ERBB4: variants seen among roughly 807,000 people sequenced by gnomAD.
ERBB4 encodes erb-b2 receptor tyrosine kinase 4.
ERBB4 carries 42 observed loss-of-function variants against 158.0 expected under a neutral mutation model. That is an observed-to-expected ratio of 0.27 (90% confidence interval 0.21 to 0.34). The LOEUF (loss-of-function observed/expected upper bound fraction) is 0.34, where lower values mean the gene tolerates loss of function less well. Ranked by LOEUF, ERBB4 falls within the 10% of genes least tolerant of loss-of-function variation. The pLI, the probability that ERBB4 is intolerant of heterozygous loss-of-function variation, is 1.00. For missense variants in ERBB4, 1,333 were observed against 1,624.1 expected (o/e 0.82, Z 3.08); for synonymous variants, 583 against 558.7 (o/e 1.04, Z -0.61).
intron 1 of ERBB4, among the ~76,000 whole-genome samples, chr2:212,173,193 C>T (rs2081570465): frequency 6.6e-6 from 1 of 151,834 alleles, no homozygotes; most frequent in Non-Finnish European, 1.5e-5. Context: ...ACACAAATCC[C>T]TATGTTTGTG....
rs551305986 is a variant in ERBB4, at chr2:211,741,993, C to T, written c.622+8646G>A. Among the ~76,000 whole-genome samples the T allele has an allele frequency of 6.8e-4, 104 of 152,142 alleles. 1 individual carries two copies. The highest frequency in any genetic ancestry group is 2.4e-3 in the African/African-American group (98 of 41,496). On this transcript the variant is annotated intron_variant, in intron 5 of 27. Transcript: ENST00000342788. The stretch of plus-strand genomic sequence containing the variant: ...CATTGTAATGTTTACTTTAATTTTA[C>T]AATATCTCCAGAAACCATAAATCCA...
At chr2:211,943,210 GT>G (rs2080554576) in intron 3 of ERBB4, among the ~76,000 whole-genome samples, 1 of 151,998 alleles carries the variant, frequency 6.6e-6, no homozygotes, top group South Asian at 2.1e-4. Context: ...ATAATAGTGG[GT>G]TTTATGGCCC....
At chr2:211,542,609 T>C (rs1465209260) in intron 20 of ERBB4, among the ~76,000 whole-genome samples, 1 of 152,068 alleles carries the variant, frequency 6.6e-6, no homozygotes, top group Non-Finnish European at 1.5e-5. Flanking sequence ...TTTTAAATTT[T>C]ATTCCATTCA....
At chr2:211,610,661 G>A (rs1311470492) in intron 19 of ERBB4, among the ~76,000 whole-genome samples, 1 of 152,072 alleles carries the variant, frequency 6.6e-6, no homozygotes, top group Non-Finnish European at 1.5e-5. Flanking sequence ...AGCCCTATGT[G>A]GCATCATAAC....
intron 5 of ERBB4, among the ~76,000 whole-genome samples, chr2:211,732,954 G>A (rs555232417): frequency 7.2e-5 from 11 of 152,302 alleles, no homozygotes; most frequent in East Asian, 3.9e-4. Flanking sequence ...TCCAGCCTGC[G>A]TGACTGAGTG....
At chr2:212,355,645 T>G (rs2089435605) in intron 1 of ERBB4, among the ~76,000 whole-genome samples, 1 of 152,060 alleles carries the variant, frequency 6.6e-6, no homozygotes, top group South Asian at 2.1e-4. Context: ...ATCATTGCAA[T>G]ATGCTCATAA....
intron 1 of ERBB4, among the ~76,000 whole-genome samples, chr2:212,391,720 ATAT>A (rs961495176): frequency 2.8e-5 from 4 of 141,990 alleles, no homozygotes; most frequent in African/African-American, 1.0e-4. Flanking sequence ...ATTGACATAT[ATAT>A]TATATATATG....
chr2:211,921,011 C>T (rs1483676322), intron 3 of ERBB4, among the ~76,000 whole-genome samples: 1 of 151,810 alleles, frequency 6.6e-6, no homozygotes, highest in Non-Finnish European at 1.5e-5. Flanking sequence ...ATATAATATT[C>T]AGATATAAAT....
intron 1 of ERBB4, among the ~76,000 whole-genome samples, chr2:212,185,021 C>CTTTTTTTTTTT (rs1553584051): frequency 7.5e-6 from 1 of 132,508 alleles, no homozygotes; most frequent in Non-Finnish European, 1.7e-5. Flanking sequence ...ACTTTTTTTT[C>CTTTTTTTTTTT]TTTTTTTTTT....
chr2:212,194,893 A>C (rs1258808764), intron 1 of ERBB4, among the ~76,000 whole-genome samples: 1 of 151,960 alleles, frequency 6.6e-6, no homozygotes, highest in African/African-American at 2.4e-5. Context: ...AAAGGCTCTA[A>C]ATTCTTAATG....
At chr2:212,535,529 A>G (rs1036556974) in intron 1 of ERBB4, among the ~76,000 whole-genome samples, 3 of 152,212 alleles carry the variant, frequency 2.0e-5, no homozygotes, top group African/African-American at 7.2e-5. Flanking sequence ...GAACTTGTTC[A>G]TCGTTTATCT....
chr2:212,385,207 G>A (rs2090635864), intron 1 of ERBB4, among the ~76,000 whole-genome samples: 1 of 151,652 alleles, frequency 6.6e-6, no homozygotes, highest in Admixed American at 6.6e-5. Context: ...TTTTCTGCAA[G>A]ATTTACTTCA....
At chr2:212,427,961 A>C (rs2091950152) in intron 1 of ERBB4, among the ~76,000 whole-genome samples, 2 of 152,188 alleles carry the variant, frequency 1.3e-5, no homozygotes, top group Non-Finnish European at 2.9e-5. Context: ...CATTTTTTAA[A>C]GTATTTGACA....
intron 1 of ERBB4, among the ~76,000 whole-genome samples, chr2:212,127,434 TACAA>T (rs751641005): frequency 6.6e-6 from 1 of 151,986 alleles, no homozygotes; most frequent in Non-Finnish European, 1.5e-5. Flanking sequence ...CAACTAAAAA[TACAA>T]ACAATTAGCC....
chr2:211,552,050 C>A (rs1316582450), intron 20 of ERBB4, among the ~76,000 whole-genome samples: 4 of 152,226 alleles, frequency 2.6e-5, no homozygotes, highest in African/African-American at 9.6e-5. Flanking sequence ...GTTCTTCTCT[C>A]CCATTTGCCC....
intron 20 of ERBB4, among the ~76,000 whole-genome samples, chr2:211,533,714 C>T (rs1013065357): frequency 1.3e-5 from 2 of 151,830 alleles, no homozygotes; most frequent in African/African-American, 4.8e-5. Flanking sequence ...TAGGGATTTC[C>T]CAACCTTCAG....
At chr2:212,172,629 C>G (rs975280964) in intron 1 of ERBB4, among the ~76,000 whole-genome samples, 1 of 151,916 alleles carries the variant, frequency 6.6e-6, no homozygotes, top group Non-Finnish European at 1.5e-5. Context: ...ATATTTTTTC[C>G]AGGAATATGG....
intron 3 of ERBB4, among the ~76,000 whole-genome samples, chr2:211,905,702 ATGTG>A (rs1439088141): frequency 3.7e-5 from 4 of 109,344 alleles, no homozygotes; most frequent in Admixed American, 2.9e-4. Context: ...ATGTGTGTGT[ATGTG>A]TGTGTATATA....
intron 2 of ERBB4, among the ~76,000 whole-genome samples, chr2:212,042,323 A>G (rs1166565678): frequency 6.6e-6 from 1 of 152,110 alleles, no homozygotes; most frequent in Non-Finnish European, 1.5e-5. Context: ...AAAATTTTCC[A>G]TAATTTACAG....
Sources: allele counts gnomAD v4.1 joint callset (sites outside exome capture counted in the v4.1 genomes callset), GRCh38; gene constraint gnomAD v4.1.1; transcripts MANE v1.5; gene names NCBI Gene and HGNC (gene_info 2026-07-23, HGNC 2026-07-21).